KDM4C: variants seen among roughly 807,000 people sequenced by gnomAD.
KDM4C encodes lysine-specific demethylase 4C.
In KDM4C, 81 loss-of-function variants were observed where a neutral mutation model predicts 129.3. That is an observed-to-expected ratio of 0.63 (90% confidence interval 0.52 to 0.75). KDM4C has a LOEUF of 0.75. Ranked by LOEUF, KDM4C falls within the 30% of genes least tolerant of loss-of-function variation. The probability of loss-of-function intolerance (pLI) is 0.00; values close to 1 mark genes in which losing one functional copy is unlikely to be tolerated. For synonymous variants in KDM4C, 573 were observed against 456.1 expected (o/e 1.26, Z -3.26); for missense variants, 1,457 against 1,304.0 (o/e 1.12, Z -1.81).
At chr9:6,726,042 T>G (rs955015037) in intron 1 of KDM4C, among the ~76,000 whole-genome samples, 1 of 152,090 alleles carries the variant, frequency 6.6e-6, no homozygotes, top group South Asian at 2.1e-4. Context: ...TTCCCCTGCT[T>G]CAGCCTCCCA....
At chr9:6,825,938 G>C (rs1165436044) in intron 4 of KDM4C, among the ~76,000 whole-genome samples, 1 of 152,086 alleles carries the variant, frequency 6.6e-6, no homozygotes, top group Non-Finnish European at 1.5e-5. Context: ...AGCCTACTGA[G>C]TAGCTGGGAC....
intron 1 of KDM4C, among the ~76,000 whole-genome samples, chr9:6,744,812 T>C (rs1268852917): frequency 6.7e-6 from 1 of 148,444 alleles, no homozygotes; most frequent in Non-Finnish European, 1.5e-5. Flanking sequence ...GTCCTTGGGA[T>C]GCTGAGAGGG....
intron 5 of KDM4C, among the ~76,000 whole-genome samples, chr9:6,853,024 GT>G (rs948778445): frequency 4.6e-5 from 7 of 151,026 alleles, no homozygotes; most frequent in Admixed American, 2.6e-4. Flanking sequence ...CCATGGTTTT[GT>G]TTTTTTTGTG....
At chr9:6,873,007 A>G (rs1037432910) in intron 5 of KDM4C, among the ~76,000 whole-genome samples, 1 of 151,818 alleles carries the variant, frequency 6.6e-6, no homozygotes, top group African/African-American at 2.4e-5. Flanking sequence ...TCTCATTGCA[A>G]CCTCCGCCTC....
At chr9:6,851,666 T>A (rs963503124) in intron 5 of KDM4C, among the ~76,000 whole-genome samples, 1 of 152,148 alleles carries the variant, frequency 6.6e-6, no homozygotes. Flanking sequence ...GGACGTTAAT[T>A]TGAGTTTTCA....
In KDM4C at chr9:6,997,002, A is replaced by C. The variant is rs189929799; in HGVS notation, c.1786+6478A>C. Among the ~76,000 whole-genome samples the C allele has an allele frequency of 4.0e-5, 6 of 151,102 alleles. No individual in the cohort carries two copies. In the East Asian group the frequency reaches 9.7e-4, roughly 25 times the overall value. On this transcript the variant is annotated intron_variant, in intron 12 of 21. Coordinates refer to ENST00000381309, the MANE Select transcript of KDM4C (RefSeq NM_015061.6). ...ACTTGCATAGAGAGGCAAAAATAGC[A>C]CAAAGGATAATATCTCTCCATGCCT...
Position 7,019,767 on chromosome 9 carries a change from A to ATAAAAATATT in KDM4C, c.2259+3838_2259+3839insTAAAAATATT, listed in dbSNP as rs1563993450. On this transcript the variant is annotated intron_variant, in intron 15 of 21. Coordinates refer to ENST00000381309, the MANE Select transcript of KDM4C (RefSeq NM_015061.6). ...ATAATATTTTTATATATAAAAATAT[A>ATAAAAATATT]ATATTTTTATATATAAAAATATTTT... 7.9e-4 allele frequency among the ~76,000 whole-genome samples: 97 copies of ATAAAAATATT among 122,832 alleles called. 3 individuals carry two copies. Among genetic ancestry groups the ATAAAAATATT allele is most frequent in the African/African-American group, 2.9e-3 (89 of 30,396 alleles). The allele number at this position is 122,832 out of a possible 152,430, so 80.6% of individuals were successfully genotyped here. A position where few individuals can be genotyped will look rare whatever the true frequency, so the allele number is the denominator to read the frequency against.
At chr9:7,077,863 C>A (rs1054607736) in intron 17 of KDM4C, among the ~76,000 whole-genome samples, 4 of 152,196 alleles carry the variant, frequency 2.6e-5, no homozygotes, top group African/African-American at 7.2e-5. Flanking sequence ...TGAGCCATGG[C>A]AGGAAACACA....
intron 1 of KDM4C, among the ~76,000 whole-genome samples, chr9:6,732,665 A>G (rs1817389929): frequency 6.6e-6 from 1 of 152,164 alleles, no homozygotes; most frequent in Non-Finnish European, 1.5e-5. Context: ...CACTTCCTAA[A>G]CCGGGATTGA....
intron 17 of KDM4C, among the ~76,000 whole-genome samples, chr9:7,052,649 C>T (rs1830304509): frequency 6.6e-6 from 1 of 152,146 alleles, no homozygotes; most frequent in Non-Finnish European, 1.5e-5. Flanking sequence ...AACATGCATG[C>T]AGTACTCATC....
Position 6,793,022 on chromosome 9 carries a change from C to G in KDM4C, c.34C>G (p.Pro12Ala). ...EVAEVESPLN[P>A]SCKIMTFRPS... ...GGCCGAGGTGGAAAGTCCTCTGAAC[C>G]CCAGCTGTAAGATAATGACCTTCAG... The change falls in exon 2 of 22, where the codon CCC becomes GCC. Residue 12 changes from proline (P) to alanine (A), a missense_variant. Pro to Ala is a conservative substitution (Grantham distance 27). Coordinates refer to ENST00000381309, the MANE Select transcript of KDM4C (RefSeq NM_015061.6). 1 of 1,614,156 alleles carries G rather than the reference C, an allele frequency of 6.2e-7. No individual in the cohort carries two copies. The highest frequency in any genetic ancestry group is 8.5e-7 in the Non-Finnish European group (1 of 1,180,024).
intron 18 of KDM4C, among the ~76,000 whole-genome samples, chr9:7,110,005 G>C (rs115042699): frequency 5.3e-5 from 8 of 152,218 alleles, no homozygotes; most frequent in African/African-American, 1.9e-4. Flanking sequence ...CCTTCTGCCT[G>C]AGGCCTCCCC....
intron 5 of KDM4C, among the ~76,000 whole-genome samples, chr9:6,876,480 T>C (rs1202003279): frequency 1.3e-5 from 2 of 152,232 alleles, no homozygotes; most frequent in African/African-American, 2.4e-5. Context: ...TTTCCAGTTC[T>C]TGTTTAACGT....
chr9:6,932,275 G>A (rs982805916), intron 8 of KDM4C, among the ~76,000 whole-genome samples: 2 of 152,274 alleles, frequency 1.3e-5, no homozygotes, highest in Admixed American at 1.3e-4. Flanking sequence ...ACTGTGTGTA[G>A]CATTCCAGTG....
chr9:6,826,148 T>G (rs7033246), intron 4 of KDM4C, among the ~76,000 whole-genome samples: 64,140 of 151,788 alleles, frequency 0.42, 13,808 homozygotes, highest in East Asian at 0.6. Flanking sequence ...TATAAATGTT[T>G]TATATATTTC....
At chr9:7,125,552 T>C (rs1278954114) in intron 18 of KDM4C, among the ~76,000 whole-genome samples, 1 of 152,230 alleles carries the variant, frequency 6.6e-6, no homozygotes, top group Non-Finnish European at 1.5e-5. Flanking sequence ...TTGTTTGGTT[T>C]CTAGAAGAAA....
intron 8 of KDM4C, among the ~76,000 whole-genome samples, chr9:6,904,234 A>G (rs1039321268): frequency 1.3e-5 from 2 of 151,910 alleles, no homozygotes; most frequent in African/African-American, 4.8e-5. Context: ...GTGAGACTCC[A>G]TCTCAAAAAA....
chr9:7,106,397 A>G (rs1837690722), intron 18 of KDM4C, among the ~76,000 whole-genome samples: 1 of 152,242 alleles, frequency 6.6e-6, no homozygotes, highest in Non-Finnish European at 1.5e-5. Context: ...TTGCCGAATC[A>G]TAGCAGTGAA....
chr9:6,773,405 AT>A (rs1157383200), intron 1 of KDM4C, among the ~76,000 whole-genome samples: 1 of 152,184 alleles, frequency 6.6e-6, no homozygotes, highest in Non-Finnish European at 1.5e-5. Context: ...GTTTATGATT[AT>A]TTAAAAGTTA....
Sources: allele counts gnomAD v4.1 joint callset (sites outside exome capture counted in the v4.1 genomes callset), GRCh38; gene constraint gnomAD v4.1.1; transcripts MANE v1.5; gene names NCBI Gene and HGNC (gene_info 2026-07-23, HGNC 2026-07-21).